The following P2RX7 variants were observed in gnomAD, a reference collection of about 807,000 sequenced individuals.
P2RX7 encodes the protein purinergic receptor P2X 7.
P2RX7 carries 62 observed loss-of-function variants against 71.6 expected under a neutral mutation model. The observed-to-expected ratio is 0.87, with a 90% CI of 0.71 to 1.07. The LOEUF is 1.07. Among genes scored for constraint, P2RX7 ranks in the 50% least tolerant of loss-of-function variants. The pLI is 0.00. For synonymous variants in P2RX7, 299 were observed against 283.3 expected, an observed-to-expected ratio of 1.06 and a Z score of -0.56; for missense variants, 686 against 748.5, an observed-to-expected ratio of 0.92 and a Z score of 0.97.
intron 1 of P2RX7, among the ~76,000 whole-genome samples, chr12:121,147,213 G>T (rs1468394313): frequency 6.6e-6 from 1 of 152,216 alleles, no homozygotes; most frequent in Non-Finnish European, 1.5e-5. Context: ...TGGAGCTGGT[G>T]CTGCTATTTA....
At chr12:121,170,586 C>G (rs965665704) in intron 8 of P2RX7, among the ~76,000 whole-genome samples, 1 of 152,072 alleles carries the variant, frequency 6.6e-6, no homozygotes, top group Non-Finnish European at 1.5e-5. Flanking sequence ...ACCAGCCTGG[C>G]CAACATGGTG....
chr12:121,184,665 A>C lies in P2RX7; in HGVS notation c.1651A>C (p.Arg551=). ...CAGCCGGCTGCGGCACTGTGCCTACAGGTGCTACGCCACCTGGCGCTTCGG... is the reference window on the plus strand; with the variant it reads ...CAGCCGGCTGCGGCACTGTGCCTACCGGTGCTACGCCACCTGGCGCTTCGG... The part of the protein sequence containing the change: ...TNSRLRHCAY[R]CYATWRFGSQ... Residue 551 remains arginine (R), a synonymous_variant, in exon 13 of 13, where the codon AGG becomes CGG. Coordinates refer to ENST00000328963, the MANE Select transcript of P2RX7 (RefSeq NM_002562.6). The C allele has an allele frequency of 3.1e-6, 5 of 1,592,774 alleles. No homozygotes were observed. Among genetic ancestry groups the C allele is most frequent in the Non-Finnish European group, 3.4e-6 (4 of 1,170,136 alleles).
chr12:121,152,214 C>T (rs1393319731), intron 1 of P2RX7, among the ~76,000 whole-genome samples: 1 of 152,192 alleles, frequency 6.6e-6, no homozygotes, highest in Non-Finnish European at 1.5e-5. Flanking sequence ...CTCCTAATCT[C>T]AAGTGATCCA....
At chr12:121,156,641 A>G (rs1878636081) in intron 3 of P2RX7, among the ~76,000 whole-genome samples, 1 of 152,132 alleles carries the variant, frequency 6.6e-6, no homozygotes, top group African/African-American at 2.4e-5. Context: ...TTCTCCTACC[A>G]TGGTTCACAG....
Position 121,136,023 on chromosome 12 carries a change from A to AAAAAAATATATAT in P2RX7, c.125+2929_125+2930insAAAAATATATATA. Reference sequence around the variant, plus strand: ...TGTCTCAAAAAAAAAAAAAAAAAAAAATATATATATATATATATAGTATTT... The same window carrying AAAAAAATATATAT: ...TGTCTCAAAAAAAAAAAAAAAAAAAAAAAAAATATATATATATATATATATATATATAGTATTT... On this transcript the variant is annotated intron_variant, in intron 1 of 12. Coordinates refer to ENST00000328963, the MANE Select transcript of P2RX7 (RefSeq NM_002562.6). Among the ~76,000 whole-genome samples, 5 of 15,260 alleles carry AAAAAAATATATAT rather than the reference A, an allele frequency of 3.3e-4. 1 individual carries two copies. Among genetic ancestry groups the AAAAAAATATATAT allele is most frequent in the Non-Finnish European group, 7.3e-4 (4 of 5,448 alleles). 10.0% of individuals were successfully genotyped at this position (15,260 alleles called of 152,430 possible). A position where few individuals can be genotyped will look rare whatever the true frequency, so the allele number is the denominator to read the frequency against.
intron 7 of P2RX7, among the ~76,000 whole-genome samples, chr12:121,166,477 C>G (rs974983064): frequency 2.0e-5 from 3 of 152,170 alleles, no homozygotes; most frequent in African/African-American, 7.2e-5. Context: ...TGCCAGAGAT[C>G]AGAAGTTGGA....
At position 121,149,832 on chromosome 12, in the gene P2RX7, G is replaced by A. The variant is rs747554345; in HGVS notation, c.126-4953G>A. Among the ~76,000 whole-genome samples, 2 of 152,182 alleles carry A rather than the reference G, an allele frequency of 1.3e-5. No individual in the cohort carries two copies. Among genetic ancestry groups the A allele is most frequent in the South Asian group, 4.2e-4 (2 of 4,818 alleles). ...GGATCCTCCTACCTCGGTCTAACAA[G>A]TAGCTGCGAATATAGGTGCACACCA... On this transcript the variant is annotated intron_variant, in intron 1 of 12. Coordinates refer to ENST00000328963, the MANE Select transcript of P2RX7 (RefSeq NM_002562.6). This position sits in a 1 kb window ranked among gnomAD's most constrained non-coding sequence, Gnocchi z 4.7.
At chr12:121,174,045 TTTC>T (rs1481480200) in intron 8 of P2RX7, among the ~76,000 whole-genome samples, 7,942 of 118,786 alleles carry the variant, frequency 0.067, 314 homozygotes, top group Non-Finnish European at 0.084. Flanking sequence ...TTTCTTTTCT[TTTC>T]TTTTTTTTTT....
At chr12:121,175,841 G>GA (rs1470642814) in intron 9 of P2RX7, among the ~76,000 whole-genome samples, 1 of 151,910 alleles carries the variant, frequency 6.6e-6, no homozygotes, top group Non-Finnish European at 1.5e-5. Context: ...TCACGTAACT[G>GA]AAAAAATCCA....
rs34853051 is a variant in P2RX7 at position 121,176,751 on chromosome 12, CA to C, written c.973-375del. On this transcript the variant is annotated intron_variant, in intron 9 of 12. Coordinates refer to ENST00000328963, the MANE Select transcript of P2RX7 (RefSeq NM_002562.6). ...TGGGCAAGAGTGCGAGACTCTGTCTCAAAAAAAAAAAAAAAAAAAAACCCAC... is the reference window on the plus strand; with the variant it reads ...TGGGCAAGAGTGCGAGACTCTGTCTCAAAAAAAAAAAAAAAAAAAACCCAC... 2.8e-3 allele frequency among the ~76,000 whole-genome samples: 192 copies of C among 68,768 alleles called. 1 individual carries two copies. The highest frequency in any genetic ancestry group is 0.012 in the East Asian group (24 of 2,048). 45.1% of individuals were successfully genotyped at this position (68,768 alleles called of 152,430 possible). A position where few individuals can be genotyped will look rare whatever the true frequency, so the allele number is the denominator to read the frequency against.
chr12:121,151,245 CT>C lies in P2RX7; in HGVS notation c.126-3526del, dbSNP rs907199510. ...CAAGACTCCATCTCTAAATGAAATC[CT>C]TTTTTTTTTTTTTCTTTTTGAGACA... On this transcript the variant is annotated intron_variant, in intron 1 of 12. Transcript: ENST00000328963. Among the ~76,000 whole-genome samples the C allele has an allele frequency of 3.7e-3, 539 of 144,158 alleles. 1 individual carries two copies. Among genetic ancestry groups the C allele is most frequent in the African/African-American group, 9.8e-3 (386 of 39,520 alleles). 94.6% of individuals were successfully genotyped at this position (144,158 alleles called of 152,430 possible). A position where few individuals can be genotyped will look rare whatever the true frequency, so the allele number is the denominator to read the frequency against.
At chr12:121,163,350 ACACACACG>A (rs1320767081) in intron 5 of P2RX7, among the ~76,000 whole-genome samples, 3 of 127,258 alleles carry the variant, frequency 2.4e-5, no homozygotes, top group East Asian at 2.5e-4. Flanking sequence ...ACACACACAC[ACACACACG>A]CACACACACA....
intron 9 of P2RX7, among the ~76,000 whole-genome samples, chr12:121,176,142 G>C (rs1373183790): frequency 6.6e-6 from 1 of 151,902 alleles, no homozygotes; most frequent in African/African-American, 2.4e-5. Context: ...TGTGACCAGG[G>C]TCATGCCATA....
intron 7 of P2RX7, among the ~76,000 whole-genome samples, chr12:121,166,627 C>T (rs763719628): frequency 1.1e-4 from 17 of 152,290 alleles, no homozygotes; most frequent in Non-Finnish European, 2.1e-4. Context: ...TCAGTGGCCA[C>T]TTTCACTCCC....
intron 2 of P2RX7, 80 bp downstream of exon 2, chr12:121,155,033 A>G: frequency 1.3e-6 from 2 of 1,575,140 alleles, no homozygotes; most frequent in Non-Finnish European, 1.7e-6. Context: ...TAGGATCTAC[A>G]GCCTCACTCC....
intron 12 of P2RX7, among the ~76,000 whole-genome samples, chr12:121,180,685 G>A (rs1309731109): frequency 6.6e-6 from 1 of 151,942 alleles, no homozygotes; most frequent in African/African-American, 2.4e-5. Context: ...AAATTTGGCT[G>A]GGCACGGTGG....
chr12:121,138,855 C>T (rs562884962), intron 1 of P2RX7, among the ~76,000 whole-genome samples: 48 of 152,356 alleles, frequency 3.2e-4, no homozygotes, highest in Non-Finnish European at 4.6e-4. Context: ...GTTGCCAGCT[C>T]ACCTTGGTAC....
Position 121,177,128 on chromosome 12 carries a change from T to G in P2RX7, c.973-19T>G. 1 of 1,611,266 alleles carries G rather than the reference T, an allele frequency of 6.2e-7. No individual in the cohort carries two copies. Among genetic ancestry groups the G allele is most frequent in the South Asian group, 1.1e-5 (1 of 91,000 alleles). ...TGCTCTGAATTTCACCTGAGTAAAC[T>G]CTCCCACTCTGTTTTTAGGGAGGAA... is the stretch of plus-strand genomic sequence containing the variant. On this transcript the variant is annotated intron_variant, in intron 9 of 12. Transcript: ENST00000328963.
intron 1 of P2RX7, chr12:121,148,935 G>C (rs574632903): frequency 7.4e-6 from 3 of 403,366 alleles, no homozygotes; most frequent in South Asian, 5.9e-5. Flanking sequence ...GCTTAGGTGT[G>C]AGCTAAGAGA....
Sources: gnomAD v4.1 joint callset for allele counts (sites outside exome capture counted in the v4.1 genomes callset) on GRCh38, gnomAD v4.1.1 for gene constraint, Gnocchi (gnomAD v3.1) non-coding constraint, MANE v1.5 for transcripts, NCBI Gene and HGNC (gene_info 2026-07-23, HGNC 2026-07-21) for gene names.